The following ARHGAP42 variants were observed in gnomAD, a reference collection of about 807,000 sequenced individuals.
ARHGAP42 encodes Rho GTPase activating protein 42, also known as rho GTPase-activating protein 42.
Under a neutral mutation model 125.0 loss-of-function variants are expected in ARHGAP42, and 63 were observed. The observed-to-expected ratio is 0.50, with a 90% CI of 0.41 to 0.62. The LOEUF (loss-of-function observed/expected upper bound fraction) is 0.62. Among genes scored for constraint, ARHGAP42 ranks in the 20% least tolerant of loss-of-function variants. The pLI, the probability that ARHGAP42 is intolerant of heterozygous loss-of-function variation, is 0.00. For missense variants in ARHGAP42, 766 were observed against 1,024.2 expected (o/e 0.75, Z 3.44); for synonymous variants, 339 against 351.0 (o/e 0.97, Z 0.38).
intron 6 of ARHGAP42, among the ~76,000 whole-genome samples, chr11:100,931,617 T>G (rs1867584594): frequency 6.6e-6 from 1 of 152,196 alleles, no homozygotes; most frequent in Admixed American, 6.5e-5. Context: ...ACAGTTTAAT[T>G]GTGGATTAAT....
intron 1 of ARHGAP42, among the ~76,000 whole-genome samples, chr11:100,731,444 C>T (rs12286062): frequency 0.51 from 78,104 of 152,000 alleles, 20,695 homozygotes; most frequent in African/African-American, 0.66. Context: ...CCACTGTGCC[C>T]GGCCATCATT....
At chr11:100,893,155 A>AGG (rs976624446) in intron 4 of ARHGAP42, among the ~76,000 whole-genome samples, 24 of 81,148 alleles carry the variant, frequency 3.0e-4, no homozygotes, top group African/African-American at 8.9e-4. Context: ...AGAAACATTT[A>AGG]GGGGTGTGTG....
At chr11:100,735,043 G>T (rs1178044972) in intron 1 of ARHGAP42, among the ~76,000 whole-genome samples, 2 of 152,082 alleles carry the variant, frequency 1.3e-5, no homozygotes, top group African/African-American at 2.4e-5. Context: ...CTGTGTTTGG[G>T]GTTTGCAGGA....
rs548330727 is a variant in ARHGAP42, at chr11:100,881,197, T to C, written c.384+21572T>C. ...TAGAAGAGTTTTTCTGATGTTATCT[T>C]CTAGAATTTTTATAGATTCAGGTCC... On this transcript the variant is annotated intron_variant, in intron 4 of 23. Transcript: ENST00000298815. Among the ~76,000 whole-genome samples the C allele has an allele frequency of 3.2e-4, 48 of 152,310 alleles. 1 individual carries two copies. In the South Asian group the frequency reaches 8.5e-3, roughly 27 times the overall value.
chr11:100,723,397 T>G (rs1181567953), intron 1 of ARHGAP42, among the ~76,000 whole-genome samples: 1 of 152,224 alleles, frequency 6.6e-6, no homozygotes, highest in African/African-American at 2.4e-5. Flanking sequence ...ACATTAAGTC[T>G]TCCTATCTAG....
chr11:100,784,110 G>A lies in ARHGAP42; in HGVS notation c.251-10995G>A, dbSNP rs1449604788. 2.6e-5 allele frequency among the ~76,000 whole-genome samples: 4 copies of A among 152,204 alleles called. No homozygotes were observed. In the South Asian group the frequency reaches 8.3e-4, roughly 32 times the overall value. On this transcript the variant is annotated intron_variant, in intron 2 of 23. Coordinates refer to ENST00000298815, the MANE Select transcript of ARHGAP42 (RefSeq NM_152432.4). ...GAGGTTATTTGAACTGGGTCCTAAT[G>A]GTTAGGTATGATGCAGACAGAAAAT...
chr11:100,893,787 C>A (rs927757052), intron 4 of ARHGAP42, among the ~76,000 whole-genome samples: 2 of 151,938 alleles, frequency 1.3e-5, no homozygotes, highest in Non-Finnish European at 2.9e-5. Flanking sequence ...TGATAAATTC[C>A]TTCATAAAGA....
chr11:100,752,734 T>C (rs1172399329), intron 1 of ARHGAP42, among the ~76,000 whole-genome samples: 1 of 152,230 alleles, frequency 6.6e-6, no homozygotes, highest in Admixed American at 6.5e-5. Context: ...TCTTAGTTTG[T>C]TGGCTTTCTC....
intron 1 of ARHGAP42, among the ~76,000 whole-genome samples, chr11:100,689,549 G>A (rs1861151468): frequency 6.6e-6 from 1 of 152,126 alleles, no homozygotes; most frequent in African/African-American, 2.4e-5. Context: ...TATTATGATG[G>A]TTGAATCTAG....
At chr11:100,786,027 TAAC>T (rs1317229523) in intron 2 of ARHGAP42, among the ~76,000 whole-genome samples, 1 of 152,174 alleles carries the variant, frequency 6.6e-6, no homozygotes, top group Admixed American at 6.5e-5. Flanking sequence ...GAAATCAGGA[TAAC>T]ACCTACTTCA....
At chr11:100,943,982 G>C (rs888107460) in intron 10 of ARHGAP42, 114 bp downstream of exon 10, 18 of 664,360 alleles carry the variant, frequency 2.7e-5, no homozygotes, top group African/African-American at 3.6e-5. Flanking sequence ...TTAAAAAACA[G>C]TATACATGTT....
At chr11:100,760,566 T>C (rs1207006159) in intron 1 of ARHGAP42, among the ~76,000 whole-genome samples, 2 of 151,954 alleles carry the variant, frequency 1.3e-5, no homozygotes, top group Non-Finnish European at 1.5e-5. Context: ...CCGGGTGTGG[T>C]GGCGGGCTCC....
intron 2 of ARHGAP42, among the ~76,000 whole-genome samples, chr11:100,783,482 A>G (rs1485793910): frequency 1.3e-5 from 2 of 152,176 alleles, no homozygotes; most frequent in African/African-American, 4.8e-5. Flanking sequence ...TGGTATATGC[A>G]GAAGAAGGCA....
chr11:100,704,337 T>G (rs1413735768), intron 1 of ARHGAP42, among the ~76,000 whole-genome samples: 2 of 152,174 alleles, frequency 1.3e-5, no homozygotes, highest in East Asian at 3.9e-4. Flanking sequence ...CAGGAAGTCT[T>G]AGCTTTTGGG....
At chr11:100,750,822 C>G (rs1176430663) in intron 1 of ARHGAP42, among the ~76,000 whole-genome samples, 1 of 152,182 alleles carries the variant, frequency 6.6e-6, no homozygotes, top group East Asian at 1.9e-4. Context: ...ACTGAACATA[C>G]TGACATATTG....
rs1858409736 is a variant in ARHGAP42, at chr11:100,976,978, G to A, written c.2393+7G>A. On this transcript the variant is annotated splice_region_variant and intron_variant, in intron 21 of 23. Transcript: ENST00000298815. ...ATCAGCGGCCTGGCTCAGTGTAAGT[G>A]AGCGTTTGTATATTTGCTGTGTCTC... 6.4e-7 allele frequency: 1 copy of A among 1,551,090 alleles called. No homozygotes were observed. The highest frequency in any genetic ancestry group is 1.4e-5 in the African/African-American group (1 of 73,026).
Position 100,988,726 on chromosome 11 carries a change from G to C in ARHGAP42, c.2550G>C (p.Val850=). Reference sequence around the variant, plus strand: ...TTATTTTGCCAGTGTACCCATCAGTGGAACCAGGATGGTTAAAGGCAACTT... The same window carrying C: ...TTATTTTGCCAGTGTACCCATCAGTCGAACCAGGATGGTTAAAGGCAACTT... ...GAIFSNVYPS[V]EPGWLKATYE... The change falls in exon 24 of 24, where the codon GTG becomes GTC. Residue 850 remains valine, a synonymous_variant. Coordinates refer to ENST00000298815, the MANE Select transcript of ARHGAP42 (RefSeq NM_152432.4). The C allele has an allele frequency of 6.5e-7, 1 of 1,549,716 alleles. No homozygotes were observed. The highest frequency in any genetic ancestry group is 1.2e-5 in the South Asian group (1 of 83,978).
At chr11:100,975,968 T>A in intron 19 of ARHGAP42, 89 bp from the exon 20 acceptor site, 1 of 1,387,520 alleles carries the variant, frequency 7.2e-7, no homozygotes, top group Non-Finnish European at 9.5e-7. Flanking sequence ...GCAGAACACA[T>A]GGTAAGTTGG....
At chr11:100,890,771 G>A (rs773461639) in intron 4 of ARHGAP42, among the ~76,000 whole-genome samples, 28 of 152,190 alleles carry the variant, frequency 1.8e-4, no homozygotes, top group Admixed American at 3.9e-4. Flanking sequence ...TTAATTTTAG[G>A]TAGGTTTTAT....
Sources: allele counts gnomAD v4.1 joint callset (sites outside exome capture counted in the v4.1 genomes callset), GRCh38; gene constraint gnomAD v4.1.1; transcripts MANE v1.5; gene names NCBI Gene and HGNC (gene_info 2026-07-23, HGNC 2026-07-21).